The following WDR3 variants were observed in gnomAD, a reference collection of about 807,000 sequenced individuals.
WDR3 encodes the protein WD repeat domain 3, also known as WD repeat-containing protein 3.
In WDR3, 81 loss-of-function variants were observed where a neutral mutation model predicts 123.7. That is an observed-to-expected ratio of 0.65 (90% confidence interval 0.55 to 0.79). WDR3 has a LOEUF of 0.79. WDR3 is among the 30% of genes least tolerant of loss of function. The pLI is 0.00. For synonymous variants in WDR3, 390 were observed against 388.8 expected (o/e 1.00, Z -0.04); for missense variants, 1,027 against 1,123.2 (o/e 0.91, Z 1.22).
At position 117,962,212 on chromosome 1, in the gene WDR3, G is replaced by C. The variant is rs927739992; in HGVS notation, c.*2765G>C. 4.6e-5 allele frequency: 7 copies of C among 152,156 alleles called. No individual in the cohort carries two copies. Among genetic ancestry groups the C allele is most frequent in the Non-Finnish European group, 5.9e-5 (4 of 68,020 alleles). 9.4% of individuals were successfully genotyped at this position (152,156 alleles called of 1,614,324 possible). On this transcript the variant is annotated 3_prime_UTR_variant, in exon 27 of 27. Coordinates refer to ENST00000349139, the MANE Select transcript of WDR3 (RefSeq NM_006784.3). ...AGAGAAGGAGAACTTTTATGATAAA[G>C]TGACATGTACAGAACCTAGCCAAGT...
intron 11 of WDR3, among the ~76,000 whole-genome samples, chr1:117,945,515 G>A (rs1651350058): frequency 6.6e-6 from 1 of 152,046 alleles, no homozygotes; most frequent in Non-Finnish European, 1.5e-5. Flanking sequence ...CCAGCATTAT[G>A]TTGCTCTATA....
At chr1:117,948,267 G>C (rs890717296) in intron 12 of WDR3, 138 bp from the exon 13 acceptor site, 18 of 663,334 alleles carry the variant, frequency 2.7e-5, no homozygotes, top group Non-Finnish European at 4.5e-5. Context: ...ACAGAACATG[G>C]AATGTGGGAT....
intron 24 of WDR3, 95 bp downstream of exon 24, chr1:117,955,453 G>T: frequency 1.7e-6 from 2 of 1,199,338 alleles, no homozygotes; most frequent in South Asian, 1.4e-5. Flanking sequence ...TATAATTGAT[G>T]GTTATCTTAT....
chr1:117,949,429 T>C (rs1321666), intron 13 of WDR3, among the ~76,000 whole-genome samples: 74,802 of 152,032 alleles, frequency 0.49, 18,605 homozygotes, highest in South Asian at 0.63. Context: ...TTTAAACAAA[T>C]CTAGATTATC....
At chr1:117,932,594 A>G (rs1420659974) in intron 1 of WDR3, among the ~76,000 whole-genome samples, 1 of 152,148 alleles carries the variant, frequency 6.6e-6, no homozygotes, top group African/African-American at 2.4e-5. Context: ...GTGCCTGTCT[A>G]ATTGGTAGGT....
At chr1:117,942,305 A>G in intron 9 of WDR3, 132 bp from the exon 10 acceptor site, 3 of 711,852 alleles carry the variant, frequency 4.2e-6, no homozygotes, top group South Asian at 3.2e-5. Flanking sequence ...TATCATGGTA[A>G]TCCTGTGTGG....
chr1:117,950,028 A>T lies in WDR3; in HGVS notation c.1644A>T (p.Leu548=), dbSNP rs535127981. 3 of 1,613,918 alleles carry T rather than the reference A, an allele frequency of 1.9e-6. No individual in the cohort carries two copies. Among genetic ancestry groups the T allele is most frequent in the Non-Finnish European group, 2.5e-6 (3 of 1,179,968 alleles). ...LSVKQTRTLQ[L]DEDVLCVSYS... ...TGAAGCAAACCCGAACTTTGCAACT[A>T]GATGAAGATGTTCTGTGTGTCAGTT... The change falls in exon 15 of 27, where the codon CTA becomes CTT. Residue 548 remains leucine (L), a synonymous_variant. Coordinates refer to ENST00000349139, the MANE Select transcript of WDR3 (RefSeq NM_006784.3).
chr1:117,957,080 A>ATC lies in WDR3; in HGVS notation c.2470_2471dup (p.Leu825TyrfsTer53). The ATC allele has an allele frequency of 6.3e-7, 1 of 1,586,082 alleles. No homozygotes were observed. The stretch of plus-strand genomic sequence containing the variant: ...TTTTCTTTTTCAGTGAGCTGGAAGA[A>ATC]TCTCTACTTGTGCTGCCTTTCTCTT... On this transcript the variant is annotated frameshift_variant, in exon 25 of 27. Coordinates refer to ENST00000349139, the MANE Select transcript of WDR3 (RefSeq NM_006784.3). LOFTEE classifies it high-confidence loss of function.
intron 19 of WDR3, 129 bp downstream of exon 19, chr1:117,952,791 CA>C (rs2101223917): frequency 1.4e-6 from 2 of 1,447,316 alleles, no homozygotes; most frequent in East Asian, 4.6e-5. Context: ...GAGATCTTTT[CA>C]AGACCATTGT....
intron 3 of WDR3, among the ~76,000 whole-genome samples, chr1:117,936,495 G>A (rs1557817290): frequency 1.3e-5 from 2 of 152,094 alleles, no homozygotes; most frequent in Non-Finnish European, 2.9e-5. Flanking sequence ...TAAAGAAAAG[G>A]TTGTAAAATG....
intron 21 of WDR3, 70 bp from the exon 22 acceptor site, chr1:117,953,937 C>A: frequency 7.5e-7 from 1 of 1,339,584 alleles, no homozygotes; most frequent in Admixed American, 2.2e-5. Flanking sequence ...CTGGTCAGTT[C>A]TTCCAGTTTC....
intron 1 of WDR3, among the ~76,000 whole-genome samples, chr1:117,931,856 A>G (rs1650745821): frequency 1.3e-5 from 2 of 152,330 alleles, no homozygotes; most frequent in South Asian, 2.1e-4. Flanking sequence ...GAGAGAAGCA[A>G]TGAGGCCAGT....
At chr1:117,955,226 G>T (rs1652000515) in intron 23 of WDR3, 89 bp from the exon 24 acceptor site, 2 of 1,077,768 alleles carry the variant, frequency 1.9e-6, no homozygotes, top group Non-Finnish European at 1.4e-6. Context: ...AAGAAGGAGG[G>T]GTTCCTGTTT....
intron 24 of WDR3, among the ~76,000 whole-genome samples, chr1:117,956,645 T>C (rs1652240001): frequency 6.6e-6 from 1 of 152,068 alleles, no homozygotes. Context: ...AGGGAACTAT[T>C]TTCCCAGATT....
intron 25 of WDR3, 142 bp from the exon 26 acceptor site, chr1:117,958,768 T>C (rs1037246593): frequency 1.6e-5 from 1 of 64,142 alleles, no homozygotes; most frequent in Non-Finnish European, 3.3e-5. Context: ...CTTCTTTGGC[T>C]TTTTTTTTTT....
chr1:117,964,358 A>G lies in WDR3; in HGVS notation c.*4911A>G. The G allele has an allele frequency of 6.5e-6, 1 of 153,592 alleles. No individual in the cohort carries two copies. The allele number at this position is 153,592 out of a possible 1,614,324, so 9.5% of individuals were successfully genotyped here. A position where few individuals can be genotyped will look rare whatever the true frequency, so the allele number is the denominator to read the frequency against. On this transcript the variant is annotated 3_prime_UTR_variant, in exon 27 of 27. Coordinates refer to ENST00000349139, the MANE Select transcript of WDR3 (RefSeq NM_006784.3). The stretch of plus-strand genomic sequence containing the variant: ...GTGTCTGACAGGTTCTCTCTAATCT[A>G]TAAGCAGGGAAATAGAAAATTTATT...
In WDR3 at chr1:117,949,906, C is replaced by T; in HGVS notation, c.1610+70C>T. ...GAGCTATGGAATGGCCTTTTGACGTCTTATATCATTTGTTGTGCTCTAAAG... is the reference window on the plus strand; with the variant it reads ...GAGCTATGGAATGGCCTTTTGACGTTTTATATCATTTGTTGTGCTCTAAAG... On this transcript the variant is annotated intron_variant, in intron 14 of 26. Transcript: ENST00000349139. 1.9e-6 allele frequency: 3 copies of T among 1,609,794 alleles called. No individual in the cohort carries two copies. In the East Asian group the frequency reaches 6.7e-5, roughly 36 times the overall value.
intron 9 of WDR3, 60 bp downstream of exon 9, chr1:117,941,907 GA>G (rs1021540750): frequency 1.3e-6 from 2 of 1,489,734 alleles, no homozygotes; most frequent in Non-Finnish European, 8.9e-7. Flanking sequence ...CCATGTTACT[GA>G]AAAAAAACTG....
Position 117,952,962 on chromosome 1 carries a change from A to T in WDR3, c.2168A>T (p.Tyr723Phe). 1.9e-6 allele frequency: 3 copies of T among 1,613,210 alleles called. No individual in the cohort carries two copies. The highest frequency in any genetic ancestry group is 2.5e-6 in the Non-Finnish European group (3 of 1,179,370). The change falls in exon 20 of 27, where the codon TAT becomes TTT. Residue 723 changes from tyrosine (Y) to phenylalanine (F), a missense_variant. Coordinates refer to ENST00000349139, the MANE Select transcript of WDR3 (RefSeq NM_006784.3). The part of the protein sequence containing the change: ...EEREMEREAE[Y>F]EESVAKEDQP... ...TCATGGCAGGAAAGAGAAGCAGAAT[A>T]TGAGGAGAGTGTGGCCAAAGAAGAC...
Sources: gnomAD v4.1 joint callset for allele counts (sites outside exome capture counted in the v4.1 genomes callset) on GRCh38, gnomAD v4.1.1 for gene constraint, MANE v1.5 for transcripts, NCBI Gene and HGNC (gene_info 2026-07-23, HGNC 2026-07-21) for gene names.